Variants in ENOX1 observed in about 807,000 individuals in gnomAD.
The protein encoded by ENOX1 is ecto-NOX disulfide-thiol exchanger 1.
ENOX1 carries 42 observed loss-of-function variants against 82.5 expected under a neutral mutation model. The ratio of observed to expected loss-of-function variants is 0.51; its 90% CI spans 0.40 to 0.66. ENOX1 has a LOEUF of 0.66. Ranked by LOEUF, ENOX1 falls within the 30% of genes least tolerant of loss-of-function variation. The pLI is 0.00. For synonymous variants in ENOX1, 271 were observed against 282.2 expected (o/e 0.96, Z 0.40); for missense variants, 608 against 811.6 (o/e 0.75, Z 3.05).
At chr13:43,646,218 T>C (rs900560997) in intron 2 of ENOX1, among the ~76,000 whole-genome samples, 3 of 152,202 alleles carry the variant, frequency 2.0e-5, no homozygotes, top group African/African-American at 7.2e-5. Context: ...ATCCTTTATG[T>C]CTGATCCAGG....
At chr13:43,281,198 AAAT>A (rs1179759499) in intron 12 of ENOX1, among the ~76,000 whole-genome samples, 2 of 148,674 alleles carry the variant, frequency 1.3e-5, no homozygotes, top group African/African-American at 2.4e-5. Context: ...CTGTAAGGAA[AAAT>A]AATAATAATA....
At chr13:43,474,567 T>G (rs1165679722) in intron 3 of ENOX1, among the ~76,000 whole-genome samples, 1 of 152,216 alleles carries the variant, frequency 6.6e-6, no homozygotes, top group Admixed American at 6.5e-5. Flanking sequence ...TTGCAGTTTC[T>G]GTATGAAAGA....
At chr13:43,753,171 C>A (rs1197862842) in intron 1 of ENOX1, among the ~76,000 whole-genome samples, 2 of 152,090 alleles carry the variant, frequency 1.3e-5, no homozygotes, top group African/African-American at 4.8e-5. Context: ...CATTGCACTT[C>A]TATATAACTT....
chr13:43,762,385 T>C (rs1951035854), intron 1 of ENOX1, among the ~76,000 whole-genome samples: 1 of 152,146 alleles, frequency 6.6e-6, no homozygotes, highest in Admixed American at 6.5e-5. Context: ...CTCAGATAAT[T>C]AGGGGTAGAT....
intron 1 of ENOX1, among the ~76,000 whole-genome samples, chr13:43,745,417 A>T (rs1949969907): frequency 6.6e-6 from 1 of 152,236 alleles, no homozygotes; most frequent in Non-Finnish European, 1.5e-5. Flanking sequence ...AAGGGAATAC[A>T]GAGAAATCAA....
chr13:43,598,056 A>G (rs780046515), intron 2 of ENOX1, among the ~76,000 whole-genome samples: 3 of 152,034 alleles, frequency 2.0e-5, no homozygotes, highest in Non-Finnish European at 4.4e-5. Context: ...TACACTTTAC[A>G]TGTTGAAATT....
chr13:43,369,030 T>C (rs985708332), intron 5 of ENOX1, among the ~76,000 whole-genome samples: 1 of 123,112 alleles, frequency 8.1e-6, no homozygotes, highest in Non-Finnish European at 2.0e-5. Context: ...CATTGCCCAT[T>C]CTTTTTTTTT....
chr13:43,292,195 A>C (rs1250253380), intron 12 of ENOX1, among the ~76,000 whole-genome samples: 1 of 152,224 alleles, frequency 6.6e-6, no homozygotes, highest in Non-Finnish European at 1.5e-5. Context: ...TATTCTTAAA[A>C]AGATTTGAGA....
chr13:43,467,619 T>G (rs1379608895), intron 3 of ENOX1, among the ~76,000 whole-genome samples: 1 of 152,150 alleles, frequency 6.6e-6, no homozygotes, highest in African/African-American at 2.4e-5. Flanking sequence ...TCTTTTCACT[T>G]TCTTGCTAGT....
chr13:43,339,457 T>G (rs1168530455), intron 9 of ENOX1, among the ~76,000 whole-genome samples: 1 of 152,226 alleles, frequency 6.6e-6, no homozygotes, highest in Non-Finnish European at 1.5e-5. Context: ...GGGACCCACA[T>G]GCTTTTACCA....
At chr13:43,243,304 G>A (rs961222749) in intron 14 of ENOX1, among the ~76,000 whole-genome samples, 3 of 151,920 alleles carry the variant, frequency 2.0e-5, no homozygotes, top group South Asian at 4.2e-4. Context: ...ACTTGCTGGC[G>A]CTCAAACCCT....
At chr13:43,514,933 G>T (rs575480699) in intron 2 of ENOX1, among the ~76,000 whole-genome samples, 1 of 152,212 alleles carries the variant, frequency 6.6e-6, no homozygotes, top group African/African-American at 2.4e-5. Flanking sequence ...CCAGGATTGA[G>T]GCTTTCTATA....
At chr13:43,451,038 C>T (rs1047256194) in intron 3 of ENOX1, among the ~76,000 whole-genome samples, 6 of 152,082 alleles carry the variant, frequency 3.9e-5, no homozygotes, top group Admixed American at 2.0e-4. Flanking sequence ...ATCAGGTAAA[C>T]GTTGAGACCT....
chr13:43,686,417 G>A (rs895494702), intron 1 of ENOX1, among the ~76,000 whole-genome samples: 1 of 151,968 alleles, frequency 6.6e-6, no homozygotes, highest in South Asian at 2.1e-4. Flanking sequence ...AGGAAAAGAT[G>A]AGCAGAAAAA....
At chr13:43,608,520 T>C (rs950453593) in intron 2 of ENOX1, among the ~76,000 whole-genome samples, 1 of 152,276 alleles carries the variant, frequency 6.6e-6, no homozygotes, top group South Asian at 2.1e-4. Flanking sequence ...AGGGACATCA[T>C]TCCAAGCCAG....
intron 12 of ENOX1, among the ~76,000 whole-genome samples, chr13:43,285,181 T>C (rs1476804516): frequency 6.6e-6 from 1 of 152,180 alleles, no homozygotes; most frequent in Non-Finnish European, 1.5e-5. Context: ...TAACTAACCA[T>C]CTAACATCTT....
intron 9 of ENOX1, among the ~76,000 whole-genome samples, chr13:43,327,176 A>G (rs2048162320): frequency 1.3e-5 from 2 of 152,164 alleles, no homozygotes; most frequent in South Asian, 4.1e-4. Flanking sequence ...CTCTACCTCA[A>G]GACAGACCAA....
At chr13:43,454,458 A>G (rs2057124794) in intron 3 of ENOX1, among the ~76,000 whole-genome samples, 1 of 152,120 alleles carries the variant, frequency 6.6e-6, no homozygotes, top group Non-Finnish European at 1.5e-5. Context: ...ACCACTTTTA[A>G]CTATGCTATT....
At chr13:43,470,400 G>GTATATA (rs367942044) in intron 3 of ENOX1, among the ~76,000 whole-genome samples, 1 of 39,388 alleles carries the variant, frequency 2.5e-5, no homozygotes, top group Non-Finnish European at 5.7e-5. Flanking sequence ...ATATATATGT[G>GTATATA]TATATATATA....
Sources: allele counts gnomAD v4.1 joint callset (sites outside exome capture counted in the v4.1 genomes callset), GRCh38; gene constraint gnomAD v4.1.1; transcripts MANE v1.5; gene names NCBI Gene and HGNC (gene_info 2026-07-23, HGNC 2026-07-21).